The following DNAJC11 variants were observed in gnomAD, a reference collection of about 807,000 sequenced individuals.
The protein encoded by DNAJC11 is DnaJ heat shock protein family (Hsp40) member C11, also known as dnaJ homolog subfamily C member 11.
Under a neutral mutation model 78.6 loss-of-function variants are expected in DNAJC11, and 15 were observed. The ratio of observed to expected loss-of-function variants is 0.19; its 90% CI spans 0.13 to 0.29. The LOEUF (loss-of-function observed/expected upper bound fraction) is 0.29. Ranked by LOEUF, DNAJC11 falls within the 10% of genes least tolerant of loss-of-function variation. The probability of loss-of-function intolerance (pLI) is 1.00; values close to 1 mark genes in which losing one functional copy is unlikely to be tolerated. For synonymous variants in DNAJC11, 292 were observed against 272.1 expected, an observed-to-expected ratio of 1.07 and a Z score of -0.72; for missense variants, 547 against 709.6, an observed-to-expected ratio of 0.77 and a Z score of 2.60.
chr1:6,667,704 C>T lies in DNAJC11; in HGVS notation c.378+5G>A, dbSNP rs200770645. The T allele has an allele frequency of 3.1e-6, 5 of 1,613,830 alleles. No homozygotes were observed. In the African/African-American group the frequency reaches 5.3e-5, roughly 17 times the overall value. On this transcript the variant is annotated splice_donor_5th_base_variant and intron_variant, in intron 4 of 15. Coordinates refer to ENST00000377577, the MANE Select transcript of DNAJC11 (RefSeq NM_018198.4). ...TGTCCTCATGAAACGTGGCCCCTGGCTTACCTTGGGATTGGTTCGCTGCTG... is the reference window on the plus strand; with the variant it reads ...TGTCCTCATGAAACGTGGCCCCTGGTTTACCTTGGGATTGGTTCGCTGCTG...
At position 6,644,960 on chromosome 1, in the gene DNAJC11, G is replaced by T. The variant is rs878933071; in HGVS notation, c.980+81C>A. On this transcript the variant is annotated intron_variant, in intron 9 of 15. Transcript: ENST00000377577. The stretch of plus-strand genomic sequence containing the variant: ...ACACGTAGATATTCACACGAGCAAG[G>T]TGTCTTACACCAACTGGTTCCACTG... The T allele has an allele frequency of 1.6e-5, 21 of 1,307,904 alleles. No individual in the cohort carries two copies. In the South Asian group the frequency reaches 2.5e-4, roughly 16 times the overall value. 81.0% of individuals were successfully genotyped at this position (1,307,904 alleles called of 1,614,324 possible). A position where few individuals can be genotyped will look rare whatever the true frequency, so the allele number is the denominator to read the frequency against.
At chr1:6,682,783 C>A (rs1016492547) in intron 1 of DNAJC11, among the ~76,000 whole-genome samples, 2 of 152,134 alleles carry the variant, frequency 1.3e-5, no homozygotes, top group Non-Finnish European at 2.9e-5. Context: ...CAAAAATTAC[C>A]TGGGCGTGGA....
chr1:6,698,336 G>A (rs1642872139), intron 1 of DNAJC11, among the ~76,000 whole-genome samples: 1 of 152,142 alleles, frequency 6.6e-6, no homozygotes, highest in Non-Finnish European at 1.5e-5. Context: ...CACACATTAA[G>A]ATTTAAGATT....
At chr1:6,683,519 C>T (rs182784680) in intron 1 of DNAJC11, among the ~76,000 whole-genome samples, 1 of 152,324 alleles carries the variant, frequency 6.6e-6, no homozygotes, top group African/African-American at 2.4e-5. Flanking sequence ...CACCTGCAAA[C>T]TGTGGACAAT....
intron 1 of DNAJC11, among the ~76,000 whole-genome samples, chr1:6,695,627 TAAAAAAAAAAAAAA>T (rs70984004): frequency 1.6e-4 from 13 of 83,004 alleles, no homozygotes; most frequent in Admixed American, 1.6e-4. Context: ...CTATCTCTAC[TAAAAAAAAAAAAAA>T]AAAAAAAAAA....
rs1641947588 is a variant in DNAJC11 at position 6,645,248 on chromosome 1, C to T, written c.895-122G>A. On this transcript the variant is annotated intron_variant, in intron 8 of 15. Transcript: ENST00000377577. The surrounding 1 kb of genome is among the most constrained non-coding windows in gnomAD (Gnocchi z 4.1). ...ACACAGGCCTTTAAGGCAGGGGTCA[C>T]GGTCTGGCAGCCGCAGTGAGTGCAC... The T allele has an allele frequency of 5.5e-6, 4 of 725,788 alleles. No individual in the cohort carries two copies. The highest frequency in any genetic ancestry group is 3.4e-5 in the South Asian group (2 of 58,506). The allele number at this position is 725,788 out of a possible 1,614,324, so 45.0% of individuals were successfully genotyped here.
At position 6,634,599 on chromosome 1, in the gene DNAJC11, G is replaced by A. The variant is rs767880909; in HGVS notation, c.*1076C>T. The stretch of plus-strand genomic sequence containing the variant: ...CTGATGGCTGCCACTTCCAGGCCCC[G>A]AGAGACAGGCCTCACGTAACTTTAC... On this transcript the variant is annotated 3_prime_UTR_variant, in exon 16 of 16. Coordinates refer to ENST00000377577, the MANE Select transcript of DNAJC11 (RefSeq NM_018198.4). 15 of 1,366,064 alleles carry A rather than the reference G, an allele frequency of 1.1e-5. No individual in the cohort carries two copies. Among genetic ancestry groups the A allele is most frequent in the East Asian group, 9.1e-5 (2 of 21,992 alleles). 84.6% of individuals were successfully genotyped at this position (1,366,064 alleles called of 1,614,324 possible). A position where few individuals can be genotyped will look rare whatever the true frequency, so the allele number is the denominator to read the frequency against.
chr1:6,687,008 A>G (rs888339847), intron 1 of DNAJC11, among the ~76,000 whole-genome samples: 1 of 152,226 alleles, frequency 6.6e-6, no homozygotes, highest in African/African-American at 2.4e-5. Flanking sequence ...TATGTTCCCC[A>G]ATAATCTGAT....
intron 4 of DNAJC11, among the ~76,000 whole-genome samples, chr1:6,657,954 G>T (rs902161483): frequency 6.6e-6 from 1 of 151,734 alleles, no homozygotes; most frequent in Non-Finnish European, 1.5e-5. Flanking sequence ...CAGACTCTGG[G>T]ATTTAAAGAT....
rs75266929 is a variant in DNAJC11 at position 6,676,029 on chromosome 1, G to T, written c.276+2365C>A. On this transcript the variant is annotated intron_variant, in intron 3 of 15. Transcript: ENST00000377577. ...ACGGGGAAATTGAATAAATACAACA[G>T]AATTCTACTTTCCTTTTTGGATGAG... 3.2e-3 allele frequency among the ~76,000 whole-genome samples: 493 copies of T among 152,272 alleles called. 4 individuals carry two copies. The highest frequency in any genetic ancestry group is 0.011 in the African/African-American group (453 of 41,554).
chr1:6,638,048 A>G (rs909299406), intron 12 of DNAJC11: 1 of 436,406 alleles, frequency 2.3e-6, no homozygotes, highest in African/African-American at 2.0e-5. Context: ...AAAAGGCAGA[A>G]CACTCAGAGG....
At chr1:6,667,433 G>A (rs995539428) in intron 4 of DNAJC11, among the ~76,000 whole-genome samples, 4 of 152,066 alleles carry the variant, frequency 2.6e-5, no homozygotes, top group South Asian at 2.1e-4. Context: ...TCTGCTTGGC[G>A]AAACTCCCAG....
At chr1:6,664,518 G>T (rs1395022370) in intron 4 of DNAJC11, among the ~76,000 whole-genome samples, 1 of 152,100 alleles carries the variant, frequency 6.6e-6, no homozygotes, top group Non-Finnish European at 1.5e-5. Flanking sequence ...GATTACAAGC[G>T]TGAGCCACTG....
intron 14 of DNAJC11, 98 bp from the exon 15 acceptor site, chr1:6,636,344 A>G: frequency 6.6e-7 from 1 of 1,512,780 alleles, no homozygotes; most frequent in South Asian, 1.3e-5. Flanking sequence ...AGGCTCTGAC[A>G]TTCCCTGGGG....
chr1:6,689,884 C>G (rs759035610), intron 1 of DNAJC11, among the ~76,000 whole-genome samples: 1 of 152,104 alleles, frequency 6.6e-6, no homozygotes, highest in Non-Finnish European at 1.5e-5. Flanking sequence ...CGAGACGCAT[C>G]ACAGAGCTTT....
chr1:6,697,428 T>C (rs1047041998), intron 1 of DNAJC11, among the ~76,000 whole-genome samples: 1 of 151,980 alleles, frequency 6.6e-6, no homozygotes, highest in Non-Finnish European at 1.5e-5. Context: ...CATCAGGCAT[T>C]AGTCAAATTC....
rs573944451 is a variant in DNAJC11 at position 6,637,329 on chromosome 1, C to T, written c.1393G>A (p.Val465Ile). The T allele has an allele frequency of 9.9e-6, 16 of 1,614,182 alleles. No individual in the cohort carries two copies. The highest frequency in any genetic ancestry group is 5.5e-5 in the South Asian group (5 of 91,084). ...ACAAACTTCCCGTACCAGGCATTGA[C>T]GATGATGAGGCCTAAGGACAGACTC... Reference protein sequence around the residue: ...AEESRMGLIIVNAWYGKFVND... With the variant: ...AEESRMGLIIINAWYGKFVND... Residue 465 changes from valine to isoleucine, a missense_variant, in exon 14 of 16, where the codon GTC becomes ATC. Physicochemically the swap from Val to Ile is conservative, Grantham distance 29 (BLOSUM62 3). Coordinates refer to ENST00000377577, the MANE Select transcript of DNAJC11 (RefSeq NM_018198.4).
intron 1 of DNAJC11, among the ~76,000 whole-genome samples, chr1:6,688,529 T>C (rs1021593162): frequency 6.6e-6 from 1 of 152,204 alleles, no homozygotes; most frequent in African/African-American, 2.4e-5. Flanking sequence ...CATAGATCCC[T>C]ATCTATTTCC....
intron 4 of DNAJC11, among the ~76,000 whole-genome samples, chr1:6,662,118 A>AT (rs1642223178): frequency 3.8e-5 from 5 of 132,008 alleles, no homozygotes; most frequent in Admixed American, 7.7e-5. Flanking sequence ...TGCCCAGTTA[A>AT]TTGTTTTTTG....
Sources: gnomAD v4.1 joint callset for allele counts (sites outside exome capture counted in the v4.1 genomes callset) on GRCh38, gnomAD v4.1.1 for gene constraint, Gnocchi (gnomAD v3.1) non-coding constraint, MANE v1.5 for transcripts, NCBI Gene and HGNC (gene_info 2026-07-23, HGNC 2026-07-21) for gene names.